Variants in DPP10 observed in about 807,000 individuals in gnomAD.
DPP10 encodes dipeptidyl peptidase like 10.
Under a neutral mutation model 120.9 loss-of-function variants are expected in DPP10, and 33 were observed. The observed-to-expected ratio is 0.27, with a 90% CI of 0.21 to 0.37. The LOEUF (loss-of-function observed/expected upper bound fraction) is 0.37. Ranked by LOEUF, DPP10 falls within the 10% of genes least tolerant of loss-of-function variation. The pLI is 1.00. For synonymous variants in DPP10, 337 were observed against 326.1 expected (o/e 1.03, Z -0.36); for missense variants, 816 against 942.8 (o/e 0.87, Z 1.76).
At chr2:114,494,128 A>C (rs1180536861) in intron 1 of DPP10, among the ~76,000 whole-genome samples, 3 of 130,294 alleles carry the variant, frequency 2.3e-5, no homozygotes, top group South Asian at 2.6e-4. Flanking sequence ...AAAACCCAGC[A>C]AATTGTCAAT....
At chr2:114,742,366 A>G (rs1678149810) in intron 1 of DPP10, among the ~76,000 whole-genome samples, 1 of 152,250 alleles carries the variant, frequency 6.6e-6, no homozygotes, top group South Asian at 2.1e-4. Flanking sequence ...AATATTTGGC[A>G]TATGAAAAGT....
At chr2:114,980,787 C>T (rs1199540870) in intron 1 of DPP10, among the ~76,000 whole-genome samples, 1 of 152,068 alleles carries the variant, frequency 6.6e-6, no homozygotes, top group Non-Finnish European at 1.5e-5. Context: ...CACTGCACCC[C>T]ACCTCCACCT....
At position 114,897,457 on chromosome 2, in the gene DPP10, G is replaced by A. The variant is rs1245752562; in HGVS notation, c.61-411782G>A. Among the ~76,000 whole-genome samples, 18 of 152,150 alleles carry A rather than the reference G, an allele frequency of 1.2e-4. 1 individual carries two copies. The highest frequency in any genetic ancestry group is 3.9e-4 in the East Asian group (2 of 5,166). On this transcript the variant is annotated intron_variant, in intron 1 of 25. Coordinates refer to ENST00000410059, the MANE Select transcript of DPP10 (RefSeq NM_020868.6). Reference sequence around the variant, plus strand: ...CATGGGCAAGGACTTCATGTCTAAAGCACCAAAAGCAATGGCAACAAAAGC... The same window carrying A: ...CATGGGCAAGGACTTCATGTCTAAAACACCAAAAGCAATGGCAACAAAAGC...
At chr2:115,564,478 A>G (rs1421812386) in intron 5 of DPP10, among the ~76,000 whole-genome samples, 1 of 152,144 alleles carries the variant, frequency 6.6e-6, no homozygotes, top group Non-Finnish European at 1.5e-5. Flanking sequence ...GCTTACTGAA[A>G]CGTGATAGAA....
chr2:115,389,435 G>A lies in DPP10; in HGVS notation c.271+45523G>A, dbSNP rs568988845. The stretch of plus-strand genomic sequence containing the variant: ...TATATTAATTTGTTTAATTTTGTTT[G>A]CCCCTAAACACTCTGAGAAGGAATC... On this transcript the variant is annotated intron_variant, in intron 3 of 25. Coordinates refer to ENST00000410059, the MANE Select transcript of DPP10 (RefSeq NM_020868.6). Among the ~76,000 whole-genome samples, 17 of 152,110 alleles carry A rather than the reference G, an allele frequency of 1.1e-4. No homozygotes were observed. In the South Asian group the frequency reaches 3.5e-3, roughly 32 times the overall value.
chr2:115,388,646 TG>T (rs2067118659), intron 3 of DPP10, among the ~76,000 whole-genome samples: 1 of 152,218 alleles, frequency 6.6e-6, no homozygotes, highest in Admixed American at 6.5e-5. Flanking sequence ...ACATCTAAAA[TG>T]CTATATTAAC....
At chr2:114,829,922 C>T (rs532613686) in intron 1 of DPP10, among the ~76,000 whole-genome samples, 3 of 152,192 alleles carry the variant, frequency 2.0e-5, no homozygotes, top group East Asian at 3.9e-4. Context: ...CACGTCCATG[C>T]GATCAAGTTG....
chr2:114,700,368 C>G (rs766383545), intron 1 of DPP10, among the ~76,000 whole-genome samples: 7 of 151,728 alleles, frequency 4.6e-5, no homozygotes, highest in Non-Finnish European at 8.8e-5. Flanking sequence ...TACTTCCCAC[C>G]TTTCCAGGTA....
At position 114,898,999 on chromosome 2, in the gene DPP10, C is replaced by T. The variant is rs569977588; in HGVS notation, c.61-410240C>T. On this transcript the variant is annotated intron_variant, in intron 1 of 25. Transcript: ENST00000410059. ...CAGTTTTAGTAGTTGGGAATCTCATCTAATTTATTACATGGAGAGAGGTAT... is the reference window on the plus strand; with the variant it reads ...CAGTTTTAGTAGTTGGGAATCTCATTTAATTTATTACATGGAGAGAGGTAT... 2.0e-5 allele frequency among the ~76,000 whole-genome samples: 3 copies of T among 151,964 alleles called. No homozygotes were observed. The South Asian group carries it at 6.2e-4, about 32-fold the overall frequency.
At chr2:115,246,008 A>G (rs1225770027) in intron 1 of DPP10, among the ~76,000 whole-genome samples, 1 of 152,130 alleles carries the variant, frequency 6.6e-6, no homozygotes, top group Non-Finnish European at 1.5e-5. Flanking sequence ...TTGTGCTTAT[A>G]TGTGATGTCA....
intron 5 of DPP10, among the ~76,000 whole-genome samples, chr2:115,584,991 C>T: frequency 6.6e-6 from 1 of 152,292 alleles, no homozygotes; most frequent in African/African-American, 2.4e-5. Context: ...AAAACACATA[C>T]CCATTAATTT....
chr2:115,151,209 T>C (rs1330524031), intron 1 of DPP10, among the ~76,000 whole-genome samples: 3 of 152,156 alleles, frequency 2.0e-5, no homozygotes, highest in Non-Finnish European at 4.4e-5. Context: ...AGATAAAGTG[T>C]TACTGTTGGA....
chr2:114,931,540 T>C (rs6542232), intron 1 of DPP10, among the ~76,000 whole-genome samples: 150,170 of 152,280 alleles, frequency 0.99, 74,073 homozygotes, highest in Middle Eastern at 1. Context: ...CCCCAATGAC[T>C]GAAACACCTC....
intron 3 of DPP10, among the ~76,000 whole-genome samples, chr2:115,464,499 G>GT (rs1558700497): frequency 6.6e-6 from 1 of 151,756 alleles, no homozygotes; most frequent in Admixed American, 6.6e-5. Context: ...CTAACACTAG[G>GT]TTTTTTTTCA....
intron 1 of DPP10, among the ~76,000 whole-genome samples, chr2:114,700,680 C>A (rs1336223244): frequency 6.6e-6 from 1 of 152,046 alleles, no homozygotes; most frequent in Non-Finnish European, 1.5e-5. Flanking sequence ...TTAACTCTGC[C>A]TTTATGACGG....
chr2:114,573,025 C>T (rs187599860), intron 1 of DPP10, among the ~76,000 whole-genome samples: 130 of 152,198 alleles, frequency 8.5e-4, no homozygotes, highest in Non-Finnish European at 1.4e-3. Context: ...CTGTGTTGTC[C>T]GAGACTAGAG....
chr2:115,795,153 A>G (rs1370404861), intron 19 of DPP10, among the ~76,000 whole-genome samples: 2 of 152,208 alleles, frequency 1.3e-5, no homozygotes, highest in Admixed American at 6.5e-5. Flanking sequence ...GATGCTGATA[A>G]AAGCAATCCA....
chr2:115,689,035 A>G (rs1191876772), intron 5 of DPP10, among the ~76,000 whole-genome samples: 1 of 152,192 alleles, frequency 6.6e-6, no homozygotes, highest in Non-Finnish European at 1.5e-5. Flanking sequence ...ATGCAAAGGT[A>G]ATAGACACCT....
intron 8 of DPP10, among the ~76,000 whole-genome samples, chr2:115,736,431 C>T (rs1676510506): frequency 6.6e-6 from 1 of 152,052 alleles, no homozygotes; most frequent in Non-Finnish European, 1.5e-5. Flanking sequence ...TAGTAAATAC[C>T]ACCACTGAGC....
Sources: gnomAD v4.1 joint callset for allele counts (sites outside exome capture counted in the v4.1 genomes callset) on GRCh38, gnomAD v4.1.1 for gene constraint, MANE v1.5 for transcripts, NCBI Gene and HGNC (gene_info 2026-07-23, HGNC 2026-07-21) for gene names.